The following GABRB2 variants were observed in gnomAD, a reference collection of about 807,000 sequenced individuals.
GABRB2 encodes the protein gamma-aminobutyric acid type A receptor subunit beta2, also known as gamma-aminobutyric acid receptor subunit beta-2.
Under a neutral mutation model 54.7 loss-of-function variants are expected in GABRB2, and 16 were observed. The ratio of observed to expected loss-of-function variants is 0.29; its 90% CI spans 0.20 to 0.44. GABRB2 has a LOEUF of 0.44. Ranked by LOEUF, GABRB2 falls within the 20% of genes least tolerant of loss-of-function variation. GABRB2 has a pLI of 1.00. For missense variants in GABRB2, 355 were observed against 644.0 expected (o/e 0.55, Z 4.86); for synonymous variants, 244 against 233.8 (o/e 1.04, Z -0.40).
At position 161,288,957 on chromosome 5, in the gene GABRB2, A is replaced by C. The variant is rs1285045639; in HGVS notation, c.*5124T>G. On this transcript the variant is annotated 3_prime_UTR_variant, in exon 10 of 10. Coordinates refer to ENST00000393959, the MANE Select transcript of GABRB2 (RefSeq NM_001371727.1). ...AACTCAAATTATTGAACCAAAAACAAAAACAAAAACAAACTGATGGAACTG... is the reference window on the plus strand; with the variant it reads ...AACTCAAATTATTGAACCAAAAACACAAACAAAAACAAACTGATGGAACTG... The C allele has an allele frequency of 6.6e-6, 1 of 152,194 alleles. No individual in the cohort carries two copies. The highest frequency in any genetic ancestry group is 1.5e-5 in the Non-Finnish European group (1 of 68,038). The allele number at this position is 152,194 out of a possible 1,614,324, so 9.4% of individuals were successfully genotyped here.
rs116152816 is a variant in GABRB2, at chr5:161,299,363, C to A, written c.1192-4935G>T. Among the ~76,000 whole-genome samples the A allele has an allele frequency of 5.7e-3, 866 of 152,250 alleles. 7 individuals are homozygous for A. Among genetic ancestry groups the A allele is most frequent in the Non-Finnish European group, 8.0e-3 (542 of 68,008 alleles). On this transcript the variant is annotated intron_variant, in intron 9 of 9. Coordinates refer to ENST00000393959, the MANE Select transcript of GABRB2 (RefSeq NM_001371727.1). ...ATGCCTTTTCTGAGCCAATGGCATG[C>A]CGTGAGTCTTCAGATGGGAATAGCA...
At chr5:161,497,667 T>C (rs1441885546) in intron 3 of GABRB2, among the ~76,000 whole-genome samples, 1 of 151,890 alleles carries the variant, frequency 6.6e-6, no homozygotes, top group African/African-American at 2.4e-5. Flanking sequence ...ATCAAGACAA[T>C]AATACCAACA....
chr5:161,470,220 C>T (rs993971538), intron 3 of GABRB2, among the ~76,000 whole-genome samples: 8 of 151,534 alleles, frequency 5.3e-5, no homozygotes, highest in African/African-American at 7.3e-5. Flanking sequence ...TGTGGTAAGC[C>T]GAACACTACT....
intron 3 of GABRB2, among the ~76,000 whole-genome samples, chr5:161,486,086 T>A (rs1249841771): frequency 6.6e-6 from 1 of 152,002 alleles, no homozygotes; most frequent in African/African-American, 2.4e-5. Flanking sequence ...CCTATTTGTG[T>A]TCTGTTTCTG....
intron 3 of GABRB2, among the ~76,000 whole-genome samples, chr5:161,499,122 C>T (rs1272291768): frequency 6.6e-6 from 1 of 152,132 alleles, no homozygotes; most frequent in Admixed American, 6.6e-5. Flanking sequence ...CCCCTGGACC[C>T]ACTTTATGCA....
intron 3 of GABRB2, among the ~76,000 whole-genome samples, chr5:161,531,658 T>C (rs1228731786): frequency 6.6e-6 from 1 of 151,994 alleles, no homozygotes; most frequent in Non-Finnish European, 1.5e-5. Context: ...TATCTCCCAG[T>C]AGCAGACTAA....
intron 3 of GABRB2, among the ~76,000 whole-genome samples, chr5:161,481,940 C>T (rs777804553): frequency 3.9e-5 from 6 of 152,014 alleles, no homozygotes; most frequent in African/African-American, 7.2e-5. Context: ...TACTTAGAAA[C>T]GGGAGGCCTT....
intron 3 of GABRB2, among the ~76,000 whole-genome samples, chr5:161,538,918 C>T (rs186181977): frequency 1.1e-4 from 17 of 152,226 alleles, no homozygotes; most frequent in African/African-American, 3.6e-4. Context: ...AGGCCTAACA[C>T]ATGCTTGGAT....
At chr5:161,536,831 C>G (rs1760651968) in intron 3 of GABRB2, among the ~76,000 whole-genome samples, 1 of 152,126 alleles carries the variant, frequency 6.6e-6, no homozygotes, top group African/African-American at 2.4e-5. Flanking sequence ...CTCCTGACCT[C>G]AGGTGATTCA....
intron 4 of GABRB2, among the ~76,000 whole-genome samples, chr5:161,450,699 T>C (rs1757765790): frequency 6.6e-6 from 1 of 152,184 alleles, no homozygotes; most frequent in African/African-American, 2.4e-5. Context: ...GAGCCTCCCT[T>C]TTCCTTGCTA....
intron 4 of GABRB2, among the ~76,000 whole-genome samples, chr5:161,444,217 C>T (rs2113217318): frequency 6.6e-6 from 1 of 152,254 alleles, no homozygotes; most frequent in South Asian, 2.1e-4. Context: ...AGGCAAGATA[C>T]TCCAAATTAC....
intron 5 of GABRB2, among the ~76,000 whole-genome samples, chr5:161,395,913 T>G (rs998462433): frequency 1.2e-4 from 18 of 152,176 alleles, no homozygotes; most frequent in Non-Finnish European, 2.5e-4. Flanking sequence ...ATATAATAAG[T>G]ACTTGATCTT....
At chr5:161,504,618 G>A (rs1288717008) in intron 3 of GABRB2, among the ~76,000 whole-genome samples, 1 of 151,806 alleles carries the variant, frequency 6.6e-6, no homozygotes, top group African/African-American at 2.4e-5. Context: ...TAACATTAAT[G>A]ATCTAGGATA....
chr5:161,378,504 T>C (rs1303049742), intron 5 of GABRB2, among the ~76,000 whole-genome samples: 2 of 152,156 alleles, frequency 1.3e-5, no homozygotes, highest in African/African-American at 2.4e-5. Context: ...GTGTTTTTTG[T>C]TTCTTACTTG....
At chr5:161,371,283 GT>G (rs1349304194) in intron 5 of GABRB2, among the ~76,000 whole-genome samples, 1 of 152,118 alleles carries the variant, frequency 6.6e-6, no homozygotes, top group Non-Finnish European at 1.5e-5. Flanking sequence ...ATGACTAATT[GT>G]TTAAATATAT....
chr5:161,487,427 A>C (rs915650305), intron 3 of GABRB2, among the ~76,000 whole-genome samples: 1 of 151,926 alleles, frequency 6.6e-6, no homozygotes, highest in Admixed American at 6.6e-5. Context: ...GAAAAATGCC[A>C]TGCATGATCA....
At chr5:161,505,291 C>G (rs868051602) in intron 3 of GABRB2, among the ~76,000 whole-genome samples, 1 of 151,818 alleles carries the variant, frequency 6.6e-6, no homozygotes, top group Non-Finnish European at 1.5e-5. Flanking sequence ...CCACCACGCC[C>G]GACAAATTTT....
At position 161,508,508 on chromosome 5, in the gene GABRB2, C is replaced by T. The variant is rs573455345; in HGVS notation, c.237+36719G>A. ...ACTACACTACACTCTCATGCCAAAA[C>T]GAGTAACTTATTTCTTGTCTCCCAC... is the stretch of plus-strand genomic sequence containing the variant. On this transcript the variant is annotated intron_variant, in intron 3 of 9. Transcript: ENST00000393959. Among the ~76,000 whole-genome samples the T allele has an allele frequency of 3.3e-5, 5 of 151,870 alleles. No homozygotes were observed. In the South Asian group the frequency reaches 1.0e-3, roughly 32 times the overall value.
intron 3 of GABRB2, among the ~76,000 whole-genome samples, chr5:161,494,226 C>A (rs1759161144): frequency 6.6e-6 from 1 of 151,730 alleles, no homozygotes; most frequent in African/African-American, 2.4e-5. Context: ...TTTCTTTCAA[C>A]TAGATTATTA....
Sources: gnomAD v4.1 joint callset for allele counts (sites outside exome capture counted in the v4.1 genomes callset) on GRCh38, gnomAD v4.1.1 for gene constraint, MANE v1.5 for transcripts, NCBI Gene and HGNC (gene_info 2026-07-23, HGNC 2026-07-21) for gene names.